ZNF239: variants seen among roughly 807,000 people sequenced by gnomAD.
ZNF239 encodes zinc finger protein 239.
A neutral mutation model predicts 27.5 loss-of-function variants in ZNF239; 16 were observed. The ratio of observed to expected loss-of-function variants is 0.58; its 90% CI spans 0.39 to 0.88. ZNF239 has a LOEUF of 0.88. Ranked by LOEUF, ZNF239 falls within the 40% of genes least tolerant of loss-of-function variation. The probability of loss-of-function intolerance (pLI) is 0.00; values close to 1 mark genes in which losing one functional copy is unlikely to be tolerated. For synonymous variants in ZNF239, 199 were observed against 192.6 expected (o/e 1.03, Z -0.27); for missense variants, 527 against 551.9 (o/e 0.95, Z 0.45).
chr10:43,559,954 A>C (rs896480267), intron 3 of ZNF239, among the ~76,000 whole-genome samples: 9 of 152,160 alleles, frequency 5.9e-5, no homozygotes, highest in African/African-American at 2.2e-4. Flanking sequence ...CAATTACCAA[A>C]CTCAGAATCA....
chr10:43,558,189 T>C lies in ZNF239; in HGVS notation c.-92-18A>G, dbSNP rs1836948757. On this transcript the variant is annotated intron_variant, in intron 3 of 3. Transcript: ENST00000374446. ...CAAGTCTCCTAGGGAACAAAGACAA[T>C]TCAGTGGTAAGAACAAAGGGTAGAC... The C allele has an allele frequency of 6.8e-7, 1 of 1,463,852 alleles. No individual in the cohort carries two copies. The highest frequency in any genetic ancestry group is 1.5e-5 in the South Asian group (1 of 68,206). 90.7% of individuals were successfully genotyped at this position (1,463,852 alleles called of 1,614,324 possible).
Position 43,568,024 on chromosome 10 carries a change from A to G in ZNF239, c.-215-3T>C. The G allele has an allele frequency of 1.0e-6, 1 of 985,964 alleles. No homozygotes were observed. Among genetic ancestry groups the G allele is most frequent in the Non-Finnish European group, 1.2e-6 (1 of 830,042 alleles). 61.1% of individuals were successfully genotyped at this position (985,964 alleles called of 1,614,324 possible). A position where few individuals can be genotyped will look rare whatever the true frequency, so the allele number is the denominator to read the frequency against. ...GCATCCTTGAATGTAACTGGTTCCT[A>G]AAACATTAAGCACATTCCTCCTCAA... On this transcript the variant is annotated splice_polypyrimidine_tract_variant and splice_region_variant and intron_variant, in intron 2 of 3. Transcript: ENST00000374446.
At chr10:43,565,910 C>T (rs1355162895) in intron 3 of ZNF239, among the ~76,000 whole-genome samples, 2 of 146,086 alleles carry the variant, frequency 1.4e-5, no homozygotes, top group Non-Finnish European at 3.0e-5. Context: ...AACAGAAAAA[C>T]TATGATTTCA....
At chr10:43,558,419 C>A (rs982075024) in intron 3 of ZNF239, among the ~76,000 whole-genome samples, 2 of 152,138 alleles carry the variant, frequency 1.3e-5, no homozygotes, top group Non-Finnish European at 2.9e-5. Context: ...AGTCCTATAT[C>A]CTTGCTAACA....
intron 2 of ZNF239, chr10:43,570,890 G>GT (rs1837988014): frequency 1.1e-5 from 11 of 985,220 alleles, no homozygotes; most frequent in Non-Finnish European, 1.3e-5. Context: ...GAAAGGATAT[G>GT]TTGGTGGACT....
At chr10:43,559,061 G>A (rs1442240027) in intron 3 of ZNF239, among the ~76,000 whole-genome samples, 1 of 152,144 alleles carries the variant, frequency 6.6e-6, no homozygotes, top group Non-Finnish European at 1.5e-5. Flanking sequence ...GAAGTGAAAT[G>A]TGGAGAGAAA....
chr10:43,557,452 T>C lies in ZNF239; in HGVS notation c.628A>G (p.Ser210Gly). Residue 210 changes from serine (S) to glycine (G), a missense_variant, in exon 4 of 4, where the codon AGT becomes GGT. Coordinates refer to ENST00000374446, the MANE Select transcript of ZNF239 (RefSeq NM_001099282.2). ...TGACTGAAGTTCTTACCACACTGAC[T>C]ACATTCGTATTGTTTCTCTGCAGTG... ...IHTAEKQYEC[S>G]QCGKNFSQSS... The C allele has an allele frequency of 6.2e-7, 1 of 1,614,156 alleles. No individual in the cohort carries two copies. The highest frequency in any genetic ancestry group is 8.5e-7 in the Non-Finnish European group (1 of 1,179,990).
At chr10:43,569,497 A>G (rs1410582026) in intron 2 of ZNF239, among the ~76,000 whole-genome samples, 1 of 152,074 alleles carries the variant, frequency 6.6e-6, no homozygotes, top group Non-Finnish European at 1.5e-5. Flanking sequence ...TTATGATCAT[A>G]TTCAGCACCA....
chr10:43,571,549 G>A (rs1485921589), intron 2 of ZNF239, among the ~76,000 whole-genome samples: 1 of 151,860 alleles, frequency 6.6e-6, no homozygotes, highest in Non-Finnish European at 1.5e-5. Context: ...GAAGGATAGG[G>A]GCTACACTCA....
chr10:43,565,481 T>C (rs1837568969), intron 3 of ZNF239, among the ~76,000 whole-genome samples: 1 of 151,984 alleles, frequency 6.6e-6, no homozygotes. Context: ...ACAGGAGAAA[T>C]TTAATTTGTC....
At chr10:43,565,498 T>C (rs571994002) in intron 3 of ZNF239, among the ~76,000 whole-genome samples, 1 of 152,220 alleles carries the variant, frequency 6.6e-6, no homozygotes, top group African/African-American at 2.4e-5. Context: ...TGTCTCCTTT[T>C]GGCAGGGAGA....
At chr10:43,569,127 C>T (rs1397451451) in intron 2 of ZNF239, among the ~76,000 whole-genome samples, 1 of 152,222 alleles carries the variant, frequency 6.6e-6, no homozygotes, top group Non-Finnish European at 1.5e-5. Context: ...ACGAACCACT[C>T]AATTGCTCAA....
intron 2 of ZNF239, among the ~76,000 whole-genome samples, chr10:43,572,838 A>G (rs1047442962): frequency 3.9e-5 from 6 of 152,224 alleles, no homozygotes; most frequent in African/African-American, 1.4e-4. Flanking sequence ...CGACTTGGTA[A>G]TTTAAAATTT....
chr10:43,571,075 G>GTC, intron 2 of ZNF239: 1 of 932,686 alleles, frequency 1.1e-6, no homozygotes, highest in Middle Eastern at 5.5e-4. Context: ...GCACTAAGGA[G>GTC]TCACTCCAAG....
rs747780756 is a variant in ZNF239 at position 43,557,638 on chromosome 10, C to T, written c.442G>A (p.Asp148Asn). The T allele has an allele frequency of 9.4e-5, 151 of 1,614,092 alleles. No individual in the cohort carries two copies. The highest frequency in any genetic ancestry group is 1.2e-4 in the Non-Finnish European group (146 of 1,180,060). ...CQNGQLKESL[D>N]PIDCNCKDIH... ...TCTTTGCAGTTACAGTCAATGGGAT[C>T]CAAAGATTCTTTTAACTGGCCATTC... Residue 148 changes from aspartate (D) to asparagine (N), a missense_variant, in exon 4 of 4, where the codon GAT becomes AAT. Coordinates refer to ENST00000374446, the MANE Select transcript of ZNF239 (RefSeq NM_001099282.2).
chr10:43,558,165 A>G lies in ZNF239; in HGVS notation c.-86T>C. 1.3e-6 allele frequency: 2 copies of G among 1,483,850 alleles called. No individual in the cohort carries two copies. Among genetic ancestry groups the G allele is most frequent in the Non-Finnish European group, 9.0e-7 (1 of 1,116,236 alleles). 91.9% of individuals were successfully genotyped at this position (1,483,850 alleles called of 1,614,324 possible). A position where few individuals can be genotyped will look rare whatever the true frequency, so the allele number is the denominator to read the frequency against. On this transcript the variant is annotated 5_prime_UTR_variant, in exon 4 of 4. It removes the in-frame stop codon of an upstream open reading frame in the 5' UTR. Transcript: ENST00000374446. ...AAGATTCTCCACAGAATTTTCATTC[A>G]AGTCTCCTAGGGAACAAAGACAATT...
chr10:43,565,327 G>A lies in ZNF239; in HGVS notation c.-93+2572C>T, dbSNP rs1185561926. 4.0e-5 allele frequency among the ~76,000 whole-genome samples: 6 copies of A among 151,696 alleles called. No individual in the cohort carries two copies. In the South Asian group the frequency reaches 6.3e-4, roughly 16 times the overall value. On this transcript the variant is annotated intron_variant, in intron 3 of 3. Coordinates refer to ENST00000374446, the MANE Select transcript of ZNF239 (RefSeq NM_001099282.2). ...TCGAACTCCTGACCTCAGGTGATCC[G>A]CCCACCTCGGCCTCCCAAAGTGCTG...
rs1205458668 is a variant in ZNF239, at chr10:43,557,353, C to T, written c.727G>A (p.Gly243Ser). The change falls in exon 4 of 4, where the codon GGC becomes AGC. Residue 243 changes from glycine to serine, a missense_variant. Coordinates refer to ENST00000374446, the MANE Select transcript of ZNF239 (RefSeq NM_001099282.2). ...AGCAGACTCGAGCTCCTTGTGAAGC[C>T]CTTCCCACATTGCTCACATTTGTAG... ...KPYKCEQCGK[G>S]FTRSSSLLIH... is the part of the protein sequence containing the mutation. The T allele has an allele frequency of 1.2e-6, 2 of 1,614,088 alleles. No homozygotes were observed. Among genetic ancestry groups the T allele is most frequent in the African/African-American group, 1.3e-5 (1 of 74,932 alleles).
intron 3 of ZNF239, among the ~76,000 whole-genome samples, chr10:43,562,126 C>T (rs538912697): frequency 6.6e-5 from 10 of 152,258 alleles, no homozygotes; most frequent in African/African-American, 2.2e-4. Flanking sequence ...AAAAAAGCTA[C>T]ATCCTCATCT....
Sources: allele counts gnomAD v4.1 joint callset (sites outside exome capture counted in the v4.1 genomes callset), GRCh38; gene constraint gnomAD v4.1.1; transcripts MANE v1.5; gene names NCBI Gene and HGNC (gene_info 2026-07-23, HGNC 2026-07-21).